The following SYNE3 variants were observed in gnomAD, a reference collection of about 807,000 sequenced individuals.
SYNE3 encodes the protein spectrin repeat containing nuclear envelope family member 3, also known as nesprin-3.
Under a neutral mutation model 111.2 loss-of-function variants are expected in SYNE3, and 100 were observed. That is an observed-to-expected ratio of 0.90 (90% CI 0.77 to 1.06). The LOEUF (loss-of-function observed/expected upper bound fraction) is 1.06, where lower values mean the gene tolerates loss of function less well. Ranked by LOEUF, SYNE3 falls within the 50% of genes least tolerant of loss-of-function variation. The probability of loss-of-function intolerance (pLI) is 0.00; values close to 1 mark genes in which losing one functional copy is unlikely to be tolerated. For missense variants in SYNE3, 1,160 were observed against 1,240.3 expected (o/e 0.94, Z 0.97); for synonymous variants, 547 against 533.9 (o/e 1.02, Z -0.34).
At chr14:95,434,133 G>A (rs952203554) in intron 15 of SYNE3, among the ~76,000 whole-genome samples, 1 of 151,934 alleles carries the variant, frequency 6.6e-6, no homozygotes, top group African/African-American at 2.4e-5. Context: ...GGCAGGCAAG[G>A]AAGATTTCCA....
rs145355472 is a variant in SYNE3, at chr14:95,449,127, C to T, written c.1449+804G>A. ...AGGCACACTGGGGACACCACAGTGACGGGCATCATGAAAGATGTTGTCTTC... is the reference window on the plus strand; with the variant it reads ...AGGCACACTGGGGACACCACAGTGATGGGCATCATGAAAGATGTTGTCTTC... On this transcript the variant is annotated intron_variant, in intron 8 of 17. Transcript: ENST00000682763. Among the ~76,000 whole-genome samples, 1,378 of 152,266 alleles carry T rather than the reference C, an allele frequency of 9.0e-3. 13 individuals are homozygous for T. Among genetic ancestry groups the T allele is most frequent in the South Asian group, 0.046 (220 of 4,818 alleles).
At chr14:95,497,677 A>G (rs1890152363) in intron 1 of SYNE3, among the ~76,000 whole-genome samples, 2 of 152,206 alleles carry the variant, frequency 1.3e-5, no homozygotes, top group African/African-American at 4.8e-5. Flanking sequence ...TACAAGCCAT[A>G]TGGTCTCCGT....
intron 7 of SYNE3, 99 bp downstream of exon 7, chr14:95,452,148 T>C: frequency 1.5e-6 from 2 of 1,371,500 alleles, no homozygotes; most frequent in South Asian, 3.1e-5. Flanking sequence ...GATTTAGAAG[T>C]TACTATGTTG....
chr14:95,419,180 G>T (rs547846283), intron 17 of SYNE3, among the ~76,000 whole-genome samples: 3 of 152,296 alleles, frequency 2.0e-5, no homozygotes, highest in Non-Finnish European at 4.4e-5. Context: ...TCAGAAGAGT[G>T]AGGCCCTCAT....
At chr14:95,515,755 AG>A (rs996028567) in intron 1 of SYNE3, among the ~76,000 whole-genome samples, 21 of 152,226 alleles carry the variant, frequency 1.4e-4, no homozygotes, top group African/African-American at 5.1e-4. Flanking sequence ...GGAGAGTCCC[AG>A]GAAAGCCCAG....
At chr14:95,514,281 C>T (rs1468719100) in intron 1 of SYNE3, among the ~76,000 whole-genome samples, 2 of 152,232 alleles carry the variant, frequency 1.3e-5, no homozygotes, top group East Asian at 3.8e-4. Context: ...TAGGACACTG[C>T]TCCTGGGTTG....
At chr14:95,425,219 C>A (rs1203664373) in intron 17 of SYNE3, among the ~76,000 whole-genome samples, 1 of 150,404 alleles carries the variant, frequency 6.6e-6, no homozygotes, top group African/African-American at 2.5e-5. Context: ...GCACTCCAGC[C>A]TGGGCAACAG....
intron 3 of SYNE3, 136 bp from the exon 4 acceptor site, chr14:95,466,376 A>T: frequency 2.0e-6 from 2 of 1,004,676 alleles, no homozygotes. Context: ...CTGGCCTCTG[A>T]GTCACCTGGG....
chr14:95,472,803 C>T (rs977378105), intron 2 of SYNE3, among the ~76,000 whole-genome samples: 8 of 152,180 alleles, frequency 5.3e-5, no homozygotes, highest in Admixed American at 4.6e-4. Context: ...TCTGGAGTTT[C>T]CCTTAACCCC....
rs1031946913 is a variant in SYNE3 at position 95,409,280 on chromosome 14, T to C, written c.*8546A>G. On this transcript the variant is annotated 3_prime_UTR_variant, in exon 18 of 18. Transcript: ENST00000682763. ...ACTCTGGTTTCTGATCATGACTCCA[T>C]AGCACAGGCTTTTTGAAAGTGTCAT... 1.8e-5 allele frequency: 8 copies of C among 456,630 alleles called. No individual in the cohort carries two copies. Among genetic ancestry groups the C allele is most frequent in the Non-Finnish European group, 2.2e-5 (5 of 226,976 alleles). 28.3% of individuals were successfully genotyped at this position (456,630 alleles called of 1,614,324 possible).
intron 10 of SYNE3, chr14:95,444,223 A>T: frequency 2.1e-6 from 1 of 468,070 alleles, no homozygotes; most frequent in Non-Finnish European, 3.7e-6. Context: ...AACAAATACC[A>T]ATGTTAGACT....
intron 17 of SYNE3, among the ~76,000 whole-genome samples, chr14:95,419,605 G>A (rs72692742): frequency 0.13 from 20,267 of 151,084 alleles, 1,449 homozygotes; most frequent in Middle Eastern, 0.16. Flanking sequence ...CCACAGTCCC[G>A]TGATGATGAT....
chr14:95,466,771 C>T (rs187939852), intron 3 of SYNE3, among the ~76,000 whole-genome samples: 26 of 152,372 alleles, frequency 1.7e-4, no homozygotes, highest in African/African-American at 6.0e-4. Context: ...GCCTAAAGCT[C>T]AAGCTCAGAT....
chr14:95,441,122 G>T (rs1475893271), intron 11 of SYNE3, among the ~76,000 whole-genome samples: 1 of 152,194 alleles, frequency 6.6e-6, no homozygotes, highest in Non-Finnish European at 1.5e-5. Flanking sequence ...TCCCATTCCA[G>T]CTGTGTTCCT....
intron 8 of SYNE3, 46 bp downstream of exon 8, chr14:95,449,885 C>T: frequency 1.3e-6 from 2 of 1,535,574 alleles, no homozygotes; most frequent in Non-Finnish European, 8.8e-7. Flanking sequence ...CCATGCCCCG[C>T]CAGTGGCCCA....
At chr14:95,488,986 A>T (rs118082287) in intron 1 of SYNE3, among the ~76,000 whole-genome samples, 1,990 of 152,248 alleles carry the variant, frequency 0.013, 13 homozygotes, top group Middle Eastern at 0.027. Flanking sequence ...AGCACTTCCC[A>T]GGGATCTCCT....
chr14:95,437,105 G>C, intron 14 of SYNE3, 124 bp from the exon 15 acceptor site: 1 of 1,095,714 alleles, frequency 9.1e-7, no homozygotes, highest in East Asian at 2.4e-5. Context: ...GGCGACGGGA[G>C]AGGCCTGGGG....
intron 2 of SYNE3, among the ~76,000 whole-genome samples, chr14:95,471,993 G>A (rs1196989084): frequency 6.6e-6 from 1 of 152,166 alleles, no homozygotes; most frequent in Admixed American, 6.5e-5. Flanking sequence ...CAAGCTGGTA[G>A]GAAAGAGGGC....
In SYNE3 at chr14:95,436,818, A is replaced by G; in HGVS notation, c.2538+2T>C. ...ATGAGGGACCTTTCCTGGGGAACAG[A>G]CCTGCAGCTTCGATTTTCTGGTCCT... On this transcript the variant is annotated splice_donor_variant, in intron 15 of 17. Coordinates refer to ENST00000682763, the MANE Select transcript of SYNE3 (RefSeq NM_152592.6). LOFTEE classifies it high-confidence loss of function. 1 of 1,613,936 alleles carries G rather than the reference A, an allele frequency of 6.2e-7. No homozygotes were observed. Among genetic ancestry groups the G allele is most frequent in the Non-Finnish European group, 8.5e-7 (1 of 1,180,022 alleles).
Sources: allele counts gnomAD v4.1 joint callset (sites outside exome capture counted in the v4.1 genomes callset), GRCh38; gene constraint gnomAD v4.1.1; transcripts MANE v1.5; gene names NCBI Gene and HGNC (gene_info 2026-07-23, HGNC 2026-07-21).